Variants in NDUFS4 observed in about 807,000 individuals in gnomAD.
The protein encoded by NDUFS4 is NADH dehydrogenase [ubiquinone] iron-sulfur protein 4, mitochondrial.
In NDUFS4, 28 loss-of-function variants were observed where a neutral mutation model predicts 24.3. The observed-to-expected ratio is 1.15, with a 90% CI of 0.85 to 1.58. The LOEUF is 1.58. NDUFS4 is among the 40% of genes most tolerant of loss of function. NDUFS4 has a pLI of 0.00. For synonymous variants in NDUFS4, 93 were observed against 69.7 expected, an observed-to-expected ratio of 1.34 and a Z score of -1.67; for missense variants, 223 against 207.9, an observed-to-expected ratio of 1.07 and a Z score of -0.45.
At chr5:53,597,078 G>T (rs1346202930) in intron 1 of NDUFS4, among the ~76,000 whole-genome samples, 1 of 152,152 alleles carries the variant, frequency 6.6e-6, no homozygotes, top group African/African-American at 2.4e-5. Flanking sequence ...GCTCCATGTG[G>T]TGTCTGCTGG....
chr5:53,653,159 TG>T (rs988628932), intron 3 of NDUFS4, among the ~76,000 whole-genome samples: 4 of 137,686 alleles, frequency 2.9e-5, no homozygotes, highest in Non-Finnish European at 6.0e-5. Context: ...ATTTTAAAAA[TG>T]TTTTTTTTGT....
At chr5:53,617,127 T>C (rs1196233532) in intron 2 of NDUFS4, among the ~76,000 whole-genome samples, 3 of 152,178 alleles carry the variant, frequency 2.0e-5, no homozygotes, top group Non-Finnish European at 4.4e-5. Flanking sequence ...TTGGCTGAGG[T>C]GCTGTCCACC....
chr5:53,627,216 C>T (rs1165830669), intron 2 of NDUFS4, among the ~76,000 whole-genome samples: 3 of 152,046 alleles, frequency 2.0e-5, no homozygotes, highest in South Asian at 4.2e-4. Flanking sequence ...TTTCTGAGGC[C>T]TCTGTTCTGT....
At chr5:53,664,658 T>G (rs1401436458) in intron 4 of NDUFS4, among the ~76,000 whole-genome samples, 1 of 152,252 alleles carries the variant, frequency 6.6e-6, no homozygotes, top group Non-Finnish European at 1.5e-5. Context: ...CACGTAGTTC[T>G]TGTTCCGTGG....
At chr5:53,565,591 G>C (rs1748994328) in intron 1 of NDUFS4, among the ~76,000 whole-genome samples, 1 of 152,188 alleles carries the variant, frequency 6.6e-6, no homozygotes, top group African/African-American at 2.4e-5. Context: ...CCTCATCAGT[G>C]ATAGCCAGGT....
At chr5:53,565,901 C>T (rs533628668) in intron 1 of NDUFS4, among the ~76,000 whole-genome samples, 3 of 152,238 alleles carry the variant, frequency 2.0e-5, no homozygotes, top group Non-Finnish European at 2.9e-5. Flanking sequence ...CGGCCGGGTG[C>T]GGTGGCTCAC....
rs370015918 is a variant in NDUFS4 at position 53,580,521 on chromosome 5, A to G, written c.98+19761A>G. 1.6e-4 allele frequency among the ~76,000 whole-genome samples: 24 copies of G among 152,216 alleles called. 1 individual carries two copies. Among genetic ancestry groups the G allele is most frequent in the East Asian group, 9.6e-4 (5 of 5,198 alleles). On this transcript the variant is annotated intron_variant, in intron 1 of 4. Coordinates refer to ENST00000296684, the MANE Select transcript of NDUFS4 (RefSeq NM_002495.4). ...AAAGATGTGATTCTGTATCTTTTCC[A>G]TGAATTCTAGGTGCATAGATCTAAC...
At chr5:53,668,299 C>G (rs988105169) in intron 4 of NDUFS4, among the ~76,000 whole-genome samples, 1 of 152,046 alleles carries the variant, frequency 6.6e-6, no homozygotes, top group African/African-American at 2.4e-5. Flanking sequence ...AGATAAAAGC[C>G]TACCTGTTAT....
chr5:53,663,943 T>C (rs1170329592), intron 4 of NDUFS4, among the ~76,000 whole-genome samples: 1 of 152,070 alleles, frequency 6.6e-6, no homozygotes, highest in Non-Finnish European at 1.5e-5. Flanking sequence ...GTCTTTACAA[T>C]TTATCATGTG....
intron 1 of NDUFS4, among the ~76,000 whole-genome samples, chr5:53,592,758 T>C (rs1750014785): frequency 6.6e-6 from 1 of 152,336 alleles, no homozygotes; most frequent in Middle Eastern, 3.4e-3. Context: ...ACCACAGTCC[T>C]TATTACTATA....
intron 2 of NDUFS4, among the ~76,000 whole-genome samples, chr5:53,645,213 A>G (rs551685678): frequency 6.6e-6 from 1 of 152,292 alleles, no homozygotes; most frequent in South Asian, 2.1e-4. Context: ...TAATAAGCAT[A>G]TGGTTGACCC....
chr5:53,591,928 G>A (rs1417761812), intron 1 of NDUFS4, among the ~76,000 whole-genome samples: 1 of 151,766 alleles, frequency 6.6e-6, no homozygotes, highest in African/African-American at 2.4e-5. Context: ...TTTTCTTATT[G>A]ATGAGTTTTG....
intron 1 of NDUFS4, among the ~76,000 whole-genome samples, chr5:53,565,224 T>A (rs1372785035): frequency 1.3e-5 from 2 of 152,216 alleles, no homozygotes; most frequent in Admixed American, 1.3e-4. Context: ...AGAAACTGAT[T>A]CTTATTGCAA....
Position 53,640,794 on chromosome 5 carries a change from A to G in NDUFS4, c.178-5439A>G, listed in dbSNP as rs1474491943. 2.6e-5 allele frequency among the ~76,000 whole-genome samples: 4 copies of G among 152,242 alleles called. No homozygotes were observed. In the East Asian group the frequency reaches 7.7e-4, roughly 29 times the overall value. On this transcript the variant is annotated intron_variant, in intron 2 of 4. Transcript: ENST00000296684. ...AGATAGCCCTTTCCAAAGATAGGCA[A>G]AAAGAAAGAAAAGACTTTGTTGCTA...
intron 1 of NDUFS4, among the ~76,000 whole-genome samples, chr5:53,585,196 A>G (rs1480658654): frequency 1.3e-5 from 2 of 152,164 alleles, no homozygotes; most frequent in Non-Finnish European, 2.9e-5. Context: ...ATTAAAAGCA[A>G]ATTGCCTATA....
intron 3 of NDUFS4, among the ~76,000 whole-genome samples, chr5:53,652,389 T>C (rs992925259): frequency 3.9e-5 from 6 of 152,110 alleles, no homozygotes; most frequent in African/African-American, 1.4e-4. Context: ...TTTACAGTAA[T>C]TTTACAGTAA....
intron 2 of NDUFS4, among the ~76,000 whole-genome samples, chr5:53,613,021 T>C (rs1412024872): frequency 6.6e-6 from 1 of 152,112 alleles, no homozygotes; most frequent in East Asian, 1.9e-4. Flanking sequence ...AATTAAAAAT[T>C]GATCATTAAG....
chr5:53,590,903 T>G (rs1347479485), intron 1 of NDUFS4, among the ~76,000 whole-genome samples: 1 of 152,198 alleles, frequency 6.6e-6, no homozygotes, highest in Non-Finnish European at 1.5e-5. Flanking sequence ...CTTCTAAAAC[T>G]GAAGTCTGTA....
At chr5:53,590,367 G>A (rs1300458054) in intron 1 of NDUFS4, among the ~76,000 whole-genome samples, 1 of 152,126 alleles carries the variant, frequency 6.6e-6, no homozygotes, top group East Asian at 1.9e-4. Context: ...CTATTTTTAT[G>A]TAGAACATGT....
Sources: gnomAD v4.1 joint callset for allele counts (sites outside exome capture counted in the v4.1 genomes callset) on GRCh38, gnomAD v4.1.1 for gene constraint, MANE v1.5 for transcripts, NCBI Gene and HGNC (gene_info 2026-07-23, HGNC 2026-07-21) for gene names.